ZNF208: variants seen among roughly 807,000 people sequenced by gnomAD.
ZNF208 encodes the protein zinc finger protein 208.
ZNF208 carries 10 observed loss-of-function variants against 12.1 expected under a neutral mutation model. That is an observed-to-expected ratio of 0.83 (90% CI 0.51 to 1.40). The LOEUF (loss-of-function observed/expected upper bound fraction) is 1.40. Among genes scored for constraint, ZNF208 ranks in the 40% most tolerant of loss-of-function variants. The pLI is 0.00. For missense variants in ZNF208, 1,652 were observed against 1,485.0 expected, an observed-to-expected ratio of 1.11 and a Z score of -1.85; for synonymous variants, 497 against 488.4, an observed-to-expected ratio of 1.02 and a Z score of -0.23.
chr19:22,001,115 G>A (rs375676503), intron 1 of ZNF208, among the ~76,000 whole-genome samples: 13 of 152,068 alleles, frequency 8.5e-5, no homozygotes, highest in East Asian at 3.9e-4. Flanking sequence ...GGGAAACCCC[G>A]TCACTACTAA....
chr19:21,969,447 T>A lies in ZNF208; in HGVS notation c.*1744A>T, dbSNP rs1970237375. On this transcript the variant is annotated 3_prime_UTR_variant, in exon 4 of 4. Coordinates refer to ENST00000397126, the MANE Select transcript of ZNF208 (RefSeq NM_007153.3). Reference sequence around the variant, plus strand: ...GTCTGATTTAGTGTAATATCTGAAGTTTGAGTGACAGGTATTTCTACTGTG... The same window carrying A: ...GTCTGATTTAGTGTAATATCTGAAGATTGAGTGACAGGTATTTCTACTGTG... Among the ~76,000 whole-genome samples, 1 of 152,194 alleles carries A rather than the reference T, an allele frequency of 6.6e-6. No individual in the cohort carries two copies. The highest frequency in any genetic ancestry group is 1.5e-5 in the Non-Finnish European group (1 of 68,034).
At chr19:21,955,006 A>G (rs898857092) in intron 4 of ZNF208, among the ~76,000 whole-genome samples, 35 of 152,082 alleles carry the variant, frequency 2.3e-4, no homozygotes, top group African/African-American at 8.2e-4. Context: ...TTCCTTCAGG[A>G]GCTCTTGTAA....
intron 4 of ZNF208, among the ~76,000 whole-genome samples, chr19:21,955,425 T>G (rs146657049): frequency 1.3e-3 from 192 of 152,356 alleles, no homozygotes; most frequent in African/African-American, 4.2e-3. Context: ...AAGAATGTTT[T>G]CCAACTTGGT....
Position 21,973,072 on chromosome 19 carries a change from T to C in ZNF208, c.1962A>G (p.Thr654=). 1 of 1,613,406 alleles carries C rather than the reference T, an allele frequency of 6.2e-7. No homozygotes were observed. Among genetic ancestry groups the C allele is most frequent in the Admixed American group, 1.7e-5 (1 of 59,918 alleles). Residue 654 remains threonine, a synonymous_variant, in exon 4 of 4, where the codon ACA becomes ACG. Transcript: ENST00000397126. ...TCTCTCCAGCATGAATTGCCTTATGTGTAGTAAGGGTTGAGACCTTAATAA... is the reference window on the plus strand; with the variant it reads ...TCTCTCCAGCATGAATTGCCTTATGCGTAGTAAGGGTTGAGACCTTAATAA... ...KTFIKVSTLT[T]HKAIHAGEKP...
intron 3 of ZNF208, among the ~76,000 whole-genome samples, chr19:21,984,633 T>C (rs1306756836): frequency 1.3e-5 from 2 of 152,178 alleles, no homozygotes; most frequent in Non-Finnish European, 2.9e-5. Flanking sequence ...ATGCAAAGGT[T>C]GTAATGTTAA....
At position 21,950,463 on chromosome 19, in the gene ZNF208, C is replaced by T. The variant is rs556587950; in HGVS notation, c.306-17226G>A. Among the ~76,000 whole-genome samples the T allele has an allele frequency of 5.2e-4, 79 of 151,606 alleles. No homozygotes were observed. The South Asian group carries it at 0.015, about 30-fold the overall frequency. On this transcript the variant is annotated intron_variant, in intron 4 of 4. Coordinates refer to the ZNF208 transcript ENST00000599916. Reference sequence around the variant, plus strand: ...CTTCTAGCTATGCTTGTTTATTAGGCCCTGGAAACTATATGCCTAGCCCTG... The same window carrying T: ...CTTCTAGCTATGCTTGTTTATTAGGTCCTGGAAACTATATGCCTAGCCCTG...
intron 4 of ZNF208, among the ~76,000 whole-genome samples, chr19:21,951,321 T>C (rs1024805071): frequency 5.3e-5 from 8 of 152,108 alleles, no homozygotes; most frequent in African/African-American, 1.7e-4. Flanking sequence ...AAAGTTACCA[T>C]TATAACATGT....
downstream of ZNF208, among the ~76,000 whole-genome samples, chr19:21,961,115 C>A (rs775104027): frequency 1.3e-4 from 20 of 152,110 alleles, no homozygotes; most frequent in African/African-American, 3.1e-4. Flanking sequence ...GGGAACCCAC[C>A]CCCAATATTT....
In ZNF208 at chr19:21,973,510, C is replaced by T; in HGVS notation, c.1524G>A (p.Trp508Ter). ...TCTTATGTTCCATAAGGTTTGAGGA[C>T]CAGTTGAAAGCTTTGCCACATTCTT... ...KCEECGKAFN[W>*]SSNLMEHKRI... The change falls in exon 4 of 4, where the codon TGG becomes TGA. Residue 508 changes from tryptophan (W) to a stop codon, truncating the protein, a stop_gained. Coordinates refer to ENST00000397126, the MANE Select transcript of ZNF208 (RefSeq NM_007153.3). LOFTEE classifies it low-confidence loss of function (END_TRUNC). 4 of 1,611,884 alleles carry T rather than the reference C, an allele frequency of 2.5e-6. No individual in the cohort carries two copies. The highest frequency in any genetic ancestry group is 3.4e-6 in the Non-Finnish European group (4 of 1,179,456).
intron 3 of ZNF208, among the ~76,000 whole-genome samples, chr19:21,977,462 G>C (rs772114385): frequency 1.8e-4 from 28 of 152,196 alleles, no homozygotes; most frequent in Non-Finnish European, 1.3e-4. Flanking sequence ...TCTCCCCTGG[G>C]AAGTGCAACG....
downstream of ZNF208, among the ~76,000 whole-genome samples, chr19:21,962,149 T>G (rs1269315730): frequency 6.6e-6 from 1 of 152,152 alleles, no homozygotes; most frequent in Non-Finnish European, 1.5e-5. Context: ...CATATTACAA[T>G]GAAATCTTCA....
At chr19:21,982,213 C>A (rs1397414664) in intron 3 of ZNF208, among the ~76,000 whole-genome samples, 16 of 151,870 alleles carry the variant, frequency 1.1e-4, no homozygotes, top group South Asian at 4.2e-4. Flanking sequence ...AAAAAATTAG[C>A]CGGGCATGGT....
intron 4 of ZNF208, among the ~76,000 whole-genome samples, chr19:21,957,159 C>A (rs1969990073): frequency 6.6e-6 from 1 of 152,202 alleles, no homozygotes; most frequent in African/African-American, 2.4e-5. Flanking sequence ...CCTGCCTCAG[C>A]TTCCAGAGTA....
rs201994264 is a variant in ZNF208 at position 21,972,913 on chromosome 19, G to C, written c.2121C>G (p.Asn707Lys). ...ECGKAFNWSS[N>K]LMEHKRIHTG... The stretch of plus-strand genomic sequence containing the variant: ...TATGAATTCTCTTATGTTCCATAAG[G>C]TTTGAGGACCAGTTGAAAGCTTTGC... Residue 707 changes from asparagine (N) to lysine (K), a missense_variant, in exon 4 of 4, where the codon AAC (asparagine) becomes AAG (lysine). Physicochemically the swap from Asn to Lys is moderately conservative, Grantham distance 94 (BLOSUM62 0). Coordinates refer to ENST00000397126, the MANE Select transcript of ZNF208 (RefSeq NM_007153.3). 2.5e-6 allele frequency: 3 copies of C among 1,192,238 alleles called. No individual in the cohort carries two copies. The highest frequency in any genetic ancestry group is 1.1e-6 in the Non-Finnish European group (1 of 946,304). The allele number at this position is 1,192,238 out of a possible 1,614,324, so 73.9% of individuals were successfully genotyped here. A position where few individuals can be genotyped will look rare whatever the true frequency, so the allele number is the denominator to read the frequency against.
intron 1 of ZNF208, among the ~76,000 whole-genome samples, chr19:22,006,597 C>T (rs915665394): frequency 1.4e-4 from 21 of 152,196 alleles, no homozygotes; most frequent in African/African-American, 5.1e-4. Flanking sequence ...AGGCTTCTTC[C>T]ATGGCTGCGG....
At position 21,970,706 on chromosome 19, in the gene ZNF208, C is replaced by G. The variant is rs752873289; in HGVS notation, c.*485G>C. On this transcript the variant is annotated 3_prime_UTR_variant, in exon 4 of 4. Transcript: ENST00000397126. ...TCTCATTTGTAGAGTTTCTCTCCAG[C>G]ATGAATTTTCTTATGTGTAGGAGGG... 1.8e-5 allele frequency: 20 copies of G among 1,133,946 alleles called. No homozygotes were observed. The highest frequency in any genetic ancestry group is 2.2e-5 in the Non-Finnish European group (17 of 762,716). 70.2% of individuals were successfully genotyped at this position (1,133,946 alleles called of 1,614,324 possible). A position where few individuals can be genotyped will look rare whatever the true frequency, so the allele number is the denominator to read the frequency against.
rs59967190 is a variant in ZNF208 at position 21,968,805 on chromosome 19, T to A, written c.*2386A>T. The stretch of plus-strand genomic sequence containing the variant: ...GGTAAAACTTCGCTGTGATTTCATA[T>A]GATCCAGGGCTTTTTATGGTTAGTA... On this transcript the variant is annotated 3_prime_UTR_variant, in exon 4 of 4. Transcript: ENST00000397126. Among the ~76,000 whole-genome samples the A allele has an allele frequency of 0.015, 2,354 of 152,242 alleles. 60 individuals carry two copies. Among genetic ancestry groups the A allele is most frequent in the African/African-American group, 0.054 (2,225 of 41,540 alleles).
At chr19:21,975,776 C>T (rs1452681261) in intron 3 of ZNF208, among the ~76,000 whole-genome samples, 1 of 70,694 alleles carries the variant, frequency 1.4e-5, no homozygotes, top group Non-Finnish European at 2.7e-5. Flanking sequence ...GAAATGTCAA[C>T]AAAAGATTTG....
intron 1 of ZNF208, among the ~76,000 whole-genome samples, chr19:21,999,496 A>C (rs1476513221): frequency 6.6e-6 from 1 of 152,198 alleles, no homozygotes; most frequent in Non-Finnish European, 1.5e-5. Flanking sequence ...TATGTCAGCC[A>C]GCAAATAATC....
Sources: gnomAD v4.1 joint callset for allele counts (sites outside exome capture counted in the v4.1 genomes callset) on GRCh38, gnomAD v4.1.1 for gene constraint, MANE v1.5 for transcripts, NCBI Gene and HGNC (gene_info 2026-07-23, HGNC 2026-07-21) for gene names.